The following USP34 variants were observed in gnomAD, a reference collection of about 807,000 sequenced individuals.
USP34 encodes the protein ubiquitin carboxyl-terminal hydrolase 34.
USP34 carries 70 observed loss-of-function variants against 460.3 expected under a neutral mutation model. The observed-to-expected ratio is 0.15, with a 90% CI of 0.13 to 0.19. The LOEUF (loss-of-function observed/expected upper bound fraction) is 0.19, where lower values mean the gene tolerates loss of function less well. Ranked by LOEUF, USP34 falls within the 10% of genes least tolerant of loss-of-function variation. The pLI, the probability that USP34 is intolerant of heterozygous loss-of-function variation, is 1.00. For synonymous variants in USP34, 1,647 were observed against 1,405.3 expected (o/e 1.17, Z -3.85); for missense variants, 3,985 against 4,236.2 (o/e 0.94, Z 1.65).
At chr2:61,289,202 A>C (rs1436218123) in intron 33 of USP34, among the ~76,000 whole-genome samples, 1 of 152,104 alleles carries the variant, frequency 6.6e-6, no homozygotes, top group African/African-American at 2.4e-5. Flanking sequence ...ATAATTTATA[A>C]TTTTTTAAAA....
Position 61,277,982 on chromosome 2 carries a change from G to A in USP34, c.5433+183C>T, listed in dbSNP as rs989202913. On this transcript the variant is annotated intron_variant, in intron 41 of 79. Transcript: ENST00000398571. ...TCGGACTTGCCCGGACTTGCCTTCC[G>A]GCACGATTGTGAGGCCTCCCCAGCC... is the stretch of plus-strand genomic sequence containing the variant. The A allele has an allele frequency of 2.0e-5, 15 of 740,356 alleles. No individual in the cohort carries two copies. The Admixed American group carries it at 2.4e-4, about 12-fold the overall frequency. 45.9% of individuals were successfully genotyped at this position (740,356 alleles called of 1,614,324 possible). A position where few individuals can be genotyped will look rare whatever the true frequency, so the allele number is the denominator to read the frequency against.
intron 61 of USP34, among the ~76,000 whole-genome samples, chr2:61,227,712 A>AAAAC (rs1160858747): frequency 2.5e-4 from 36 of 141,838 alleles, no homozygotes; most frequent in Middle Eastern, 7.0e-3. Flanking sequence ...CTCTGTCTCA[A>AAAAC]AAACAAACAA....
rs547371301 is a variant in USP34, at chr2:61,207,695, A to T, written c.8920-809T>A. ...TAAAAAAAAATTTTTTTTTTCTAAA[A>T]ATACAACCAAAGCAGCATAAACATC... On this transcript the variant is annotated intron_variant, in intron 70 of 79. Transcript: ENST00000398571. 3.9e-5 allele frequency: 6 copies of T among 152,410 alleles called. No homozygotes were observed. In the South Asian group the frequency reaches 1.0e-3, roughly 26 times the overall value. 9.4% of individuals were successfully genotyped at this position (152,410 alleles called of 1,614,324 possible).
chr2:61,204,621 T>A lies in USP34; in HGVS notation c.9155-20A>T. Reference sequence around the variant, plus strand: ...GGACATCTGAAAATAAAAACAAAGTTTGGGTAGCAAAAAATTAAGAGTTAT... The same window carrying A: ...GGACATCTGAAAATAAAAACAAAGTATGGGTAGCAAAAAATTAAGAGTTAT... On this transcript the variant is annotated intron_variant, in intron 72 of 79. Transcript: ENST00000398571. 6.3e-7 allele frequency: 1 copy of A among 1,598,368 alleles called. No individual in the cohort carries two copies. The highest frequency in any genetic ancestry group is 1.3e-5 in the African/African-American group (1 of 74,388).
chr2:61,391,627 A>G (rs1388110837), intron 5 of USP34, among the ~76,000 whole-genome samples: 1 of 152,226 alleles, frequency 6.6e-6, no homozygotes, highest in Non-Finnish European at 1.5e-5. Context: ...ACCCTATTGA[A>G]GCCAAAACAC....
chr2:61,200,842 G>A (rs1047636805), intron 75 of USP34: 4 of 152,124 alleles, frequency 2.6e-5, no homozygotes, highest in African/African-American at 7.3e-5. Flanking sequence ...ACAGTCATTC[G>A]GTCAGCTCAA....
rs747459690 is a variant in USP34, at chr2:61,311,779, A to C, written c.3669+5T>G. The C allele has an allele frequency of 5.0e-6, 8 of 1,613,272 alleles. No homozygotes were observed. Among genetic ancestry groups the C allele is most frequent in the South Asian group, 2.2e-5 (2 of 90,866 alleles). On this transcript the variant is annotated splice_donor_5th_base_variant and intron_variant, in intron 26 of 79. Coordinates refer to ENST00000398571, the MANE Select transcript of USP34 (RefSeq NM_014709.4). ...TCAACTTCGAAATTAAAACTATGTA[A>C]GTACCTTGTCAGGAAGTCCAGCTGG... is the stretch of plus-strand genomic sequence containing the variant.
At chr2:61,390,614 T>A (rs112138296) in intron 5 of USP34, among the ~76,000 whole-genome samples, 2 of 152,244 alleles carry the variant, frequency 1.3e-5, no homozygotes, top group East Asian at 3.8e-4. Context: ...TAAGAACTGC[T>A]GAAGTTCTAG....
chr2:61,413,152 T>C (rs1011057921), intron 2 of USP34, among the ~76,000 whole-genome samples: 1 of 151,948 alleles, frequency 6.6e-6, no homozygotes, highest in Non-Finnish European at 1.5e-5. Context: ...TCCCAGCACT[T>C]TGGAAGGCTG....
At chr2:61,459,604 G>A (rs866473814) in intron 1 of USP34, among the ~76,000 whole-genome samples, 2 of 151,648 alleles carry the variant, frequency 1.3e-5, no homozygotes, top group African/African-American at 2.4e-5. Context: ...GTGAAACCCC[G>A]TCTCTACTAA....
intron 23 of USP34, among the ~76,000 whole-genome samples, chr2:61,316,588 A>C (rs1690756084): frequency 6.6e-6 from 1 of 150,932 alleles, no homozygotes; most frequent in Non-Finnish European, 1.5e-5. Context: ...CCATCTCAAA[A>C]AAAATAATCA....
chr2:61,437,475 A>G (rs1694844086), intron 1 of USP34, among the ~76,000 whole-genome samples: 1 of 152,126 alleles, frequency 6.6e-6, no homozygotes, highest in Non-Finnish European at 1.5e-5. Context: ...GATTGAACCA[A>G]TAAGAAATAA....
At chr2:61,293,386 C>T in intron 33 of USP34, 78 bp downstream of exon 33, 3 of 1,108,744 alleles carry the variant, frequency 2.7e-6, no homozygotes, top group Non-Finnish European at 4.0e-6. Flanking sequence ...ATGGCAAAAG[C>T]TATACTTGCT....
intron 43 of USP34, 152 bp downstream of exon 43, chr2:61,265,245 T>C (rs1277753845): frequency 7.5e-6 from 6 of 804,630 alleles, no homozygotes; most frequent in Non-Finnish European, 7.7e-6. Flanking sequence ...TGTATAACTA[T>C]GTAAAATACA....
intron 57 of USP34, among the ~76,000 whole-genome samples, chr2:61,233,366 T>A (rs1341312254): frequency 2.0e-5 from 3 of 151,526 alleles, no homozygotes; most frequent in African/African-American, 7.3e-5. Context: ...TGACAAAAAA[T>A]GGCATGGAGA....
At chr2:61,213,572 A>G (rs1243808827) in intron 68 of USP34, among the ~76,000 whole-genome samples, 1 of 152,216 alleles carries the variant, frequency 6.6e-6, no homozygotes, top group Non-Finnish European at 1.5e-5. Context: ...GACTGCATAT[A>G]TATGTATCTC....
In USP34 at chr2:61,204,508, C is replaced by T. The variant is rs147374612; in HGVS notation, c.9248G>A (p.Ser3083Asn). The change falls in exon 73 of 80, where the codon AGT becomes AAT. Residue 3083 changes from serine (S) to asparagine (N), a missense_variant. Ser to Asn is a conservative substitution (Grantham distance 46). Around this residue, in one of 14 missense-constraint regions of USP34, gnomAD observed 275 missense variants for 292.7 expected, o/e 0.94. Coordinates refer to ENST00000398571, the MANE Select transcript of USP34 (RefSeq NM_014709.4). ...AGATAAATACGTACTTGGTATATTA[C>T]TGTGATGGTAAGTACAATGGTTGTG... The part of the protein sequence containing the change: ...LQHNHCTYHH[S>N]NIPMSLGPYF... 6.2e-7 allele frequency: 1 copy of T among 1,613,928 alleles called. No individual in the cohort carries two copies. Among genetic ancestry groups the T allele is most frequent in the Non-Finnish European group, 8.5e-7 (1 of 1,179,820 alleles).
Position 61,430,107 on chromosome 2 carries a change from C to T in USP34, c.44-9274G>A, listed in dbSNP as rs765841726. On this transcript the variant is annotated intron_variant, in intron 1 of 79. Coordinates refer to ENST00000398571, the MANE Select transcript of USP34 (RefSeq NM_014709.4). ...GTGGGCACCTGTAGTCCCAGCTACT[C>T]GAGAGGCTGAGGCAGGAGAATGGCG... Among the ~76,000 whole-genome samples the T allele has an allele frequency of 4.6e-5, 7 of 151,088 alleles. No individual in the cohort carries two copies. In the South Asian group the frequency reaches 6.3e-4, roughly 14 times the overall value.
At chr2:61,382,726 T>C (rs1195892542) in intron 6 of USP34, among the ~76,000 whole-genome samples, 1 of 152,224 alleles carries the variant, frequency 6.6e-6, no homozygotes, top group African/African-American at 2.4e-5. Context: ...CTCCATCTTC[T>C]TAGGCTTCCT....
Sources: allele counts gnomAD v4.1 joint callset (sites outside exome capture counted in the v4.1 genomes callset), GRCh38; gene constraint gnomAD v4.1.1; regional missense constraint gnomAD v4.1.1; transcripts MANE v1.5; gene names NCBI Gene and HGNC (gene_info 2026-07-23, HGNC 2026-07-21).